The following ACP3 variants were observed in gnomAD, a reference collection of about 807,000 sequenced individuals.
ACP3 encodes the protein acid phosphatase 3, also known as prostatic acid phosphatase.
In ACP3, 38 loss-of-function variants were observed where a neutral mutation model predicts 45.6. That is an observed-to-expected ratio of 0.83 (90% CI 0.64 to 1.09). ACP3 has a LOEUF of 1.09. ACP3 is among the 50% of genes least tolerant of loss of function. The probability of loss-of-function intolerance (pLI) is 0.00; values close to 1 mark genes in which losing one functional copy is unlikely to be tolerated. For synonymous variants in ACP3, 162 were observed against 164.7 expected, an observed-to-expected ratio of 0.98 and a Z score of 0.13; for missense variants, 466 against 463.2, an observed-to-expected ratio of 1.01 and a Z score of -0.05.
intron 6 of ACP3, 131 bp downstream of exon 6, chr3:132,342,775 C>T (rs1576419205): frequency 8.1e-6 from 4 of 496,856 alleles, no homozygotes; most frequent in Non-Finnish European, 1.4e-5. Flanking sequence ...GACATTGAAA[C>T]GTAATTCACA....
chr3:132,348,754 G>T (rs1937649524), intron 7 of ACP3, among the ~76,000 whole-genome samples: 1 of 152,058 alleles, frequency 6.6e-6, no homozygotes, highest in Admixed American at 6.6e-5. Context: ...CATCCTCAAG[G>T]AATTTCCAGT....
intron 9 of ACP3, among the ~76,000 whole-genome samples, chr3:132,354,132 C>G (rs2107816408): frequency 6.6e-6 from 1 of 152,254 alleles, no homozygotes; most frequent in South Asian, 2.1e-4. Flanking sequence ...TAATAACAAG[C>G]CCGGCACAAG....
intron 6 of ACP3, among the ~76,000 whole-genome samples, chr3:132,344,277 C>CA (rs56793876): frequency 0.15 from 14,634 of 99,244 alleles, 1,419 homozygotes; most frequent in East Asian, 0.55. Context: ...GATTCTGTCT[C>CA]AAAAAAAAAA....
At chr3:132,343,995 G>A (rs1937579533) in intron 6 of ACP3, among the ~76,000 whole-genome samples, 1 of 152,050 alleles carries the variant, frequency 6.6e-6, no homozygotes, top group Non-Finnish European at 1.5e-5. Context: ...AATTAGCCAC[G>A]TGTGGCCAGG....
chr3:132,320,887 G>A (rs984620553), intron 1 of ACP3, among the ~76,000 whole-genome samples: 3 of 152,100 alleles, frequency 2.0e-5, no homozygotes, highest in East Asian at 3.9e-4. Context: ...TTGACCTCAG[G>A]TGATCCACCA....
intron 4 of ACP3, among the ~76,000 whole-genome samples, chr3:132,336,062 C>G (rs1428258479): frequency 1.3e-5 from 2 of 152,122 alleles, no homozygotes; most frequent in African/African-American, 4.8e-5. Flanking sequence ...AGATCGAGAC[C>G]ATCCTGGCTA....
intron 10 of ACP3, among the ~76,000 whole-genome samples, chr3:132,367,043 C>A (rs1034691009): frequency 6.6e-6 from 1 of 152,156 alleles, no homozygotes; most frequent in Non-Finnish European, 1.5e-5. Context: ...AGAGATGGTA[C>A]AAACTGGTAT....
rs556589892 is a variant in ACP3 at position 132,368,041 on chromosome 3, G to T, written c.*219G>T. The T allele has an allele frequency of 3.8e-3, 1,783 of 471,774 alleles. 8 individuals carry two copies. Among genetic ancestry groups the T allele is most frequent in the Non-Finnish European group, 5.4e-3 (1,412 of 260,270 alleles). The allele number at this position is 471,774 out of a possible 1,614,324, so 29.2% of individuals were successfully genotyped here. A position where few individuals can be genotyped will look rare whatever the true frequency, so the allele number is the denominator to read the frequency against. ...TTCTCATAATGGAGTGGTAGTGCAG[G>T]CTGCTTGTTCAGCTAGAAAGAGGCT... On this transcript the variant is annotated 3_prime_UTR_variant, in exon 11 of 11. Transcript: ENST00000351273.
At chr3:132,344,900 A>ATTTTTCTTCC (rs1937591692) in intron 6 of ACP3, 27 bp from the exon 7 acceptor site, 1 of 1,610,582 alleles carries the variant, frequency 6.2e-7, no homozygotes, top group South Asian at 1.1e-5. Flanking sequence ...ATACACATAC[A>ATTTTTCTTCC]TTTTTCTTCC....
rs1205388831 is a variant in ACP3 at position 132,352,857 on chromosome 3, A to C, written c.968+34A>C. On this transcript the variant is annotated intron_variant, in intron 9 of 9. Transcript: ENST00000336375. Reference sequence around the variant, plus strand: ...CTAAGTGCTTTTCAAAATCAGTATCACTGGACCTTGGGTTTCATTATTATT... The same window carrying C: ...CTAAGTGCTTTTCAAAATCAGTATCCCTGGACCTTGGGTTTCATTATTATT... 6.3e-6 allele frequency: 9 copies of C among 1,431,642 alleles called. No individual in the cohort carries two copies. In the East Asian group the frequency reaches 2.0e-4, roughly 33 times the overall value. 88.7% of individuals were successfully genotyped at this position (1,431,642 alleles called of 1,614,324 possible).
At chr3:132,345,718 T>G (rs1343139964) in intron 7 of ACP3, among the ~76,000 whole-genome samples, 2 of 152,162 alleles carry the variant, frequency 1.3e-5, no homozygotes, top group Admixed American at 1.3e-4. Context: ...AACTGGCTCT[T>G]CGTAGCACAG....
At chr3:132,340,993 A>C (rs1937547408) in intron 5 of ACP3, among the ~76,000 whole-genome samples, 1 of 152,206 alleles carries the variant, frequency 6.6e-6, no homozygotes. Flanking sequence ...AAATCTTCCT[A>C]AGAATATGGT....
At position 132,345,076 on chromosome 3, in the gene ACP3, G is replaced by T. The variant is rs1361058158; in HGVS notation, c.781+17G>T. 1.9e-6 allele frequency: 3 copies of T among 1,606,846 alleles called. No individual in the cohort carries two copies. The highest frequency in any genetic ancestry group is 3.4e-5 in the Admixed American group (2 of 59,678). On this transcript the variant is annotated intron_variant, in intron 7 of 9. Coordinates refer to ENST00000336375, the MANE Select transcript of ACP3 (RefSeq NM_001099.5). Reference sequence around the variant, plus strand: ...TCCAAGGGGGTAAGTATTAAAAAATGAGAGGAGCATATTGGATTTGTGGTT... The same window carrying T: ...TCCAAGGGGGTAAGTATTAAAAAATTAGAGGAGCATATTGGATTTGTGGTT...
intron 10 of ACP3, among the ~76,000 whole-genome samples, chr3:132,365,623 CAG>C (rs1194289540): frequency 6.6e-6 from 1 of 152,134 alleles, no homozygotes; most frequent in East Asian, 1.9e-4. Context: ...GCATTCATTG[CAG>C]ACTTTGTTTT....
At chr3:132,330,213 C>T (rs900276149) in intron 2 of ACP3, among the ~76,000 whole-genome samples, 12 of 152,136 alleles carry the variant, frequency 7.9e-5, no homozygotes, top group African/African-American at 2.9e-4. Context: ...AGCCACCACA[C>T]CCAGCCTTGT....
intron 4 of ACP3, among the ~76,000 whole-genome samples, chr3:132,335,437 G>A (rs1168781518): frequency 1.3e-5 from 2 of 151,610 alleles, no homozygotes; most frequent in African/African-American, 4.9e-5. Context: ...TGAACAGGAA[G>A]CAACTTTTAA....
Position 132,337,504 on chromosome 3 carries a change from A to G in ACP3, c.505A>G (p.Ser169Gly), listed in dbSNP as rs1937511250. 6 of 1,611,624 alleles carry G rather than the reference A, an allele frequency of 3.7e-6. No homozygotes were observed. Among genetic ancestry groups the G allele is most frequent in the Non-Finnish European group, 5.1e-6 (6 of 1,178,052 alleles). The change falls in exon 5 of 10, where the codon AGT (serine) becomes GGT (glycine). Residue 169 changes from serine (S) to glycine (G), a missense_variant. Coordinates refer to ENST00000336375, the MANE Select transcript of ACP3 (RefSeq NM_001099.5). ...CTGCCCTCGTTTTCAAGAACTTGAGAGTGAGACTTTGAAATCAGAGGAATT... is the reference window on the plus strand; with the variant it reads ...CTGCCCTCGTTTTCAAGAACTTGAGGGTGAGACTTTGAAATCAGAGGAATT... Reference protein sequence around the residue: ...RNCPRFQELESETLKSEEFQK... With the variant: ...RNCPRFQELEGETLKSEEFQK...
downstream of ACP3, among the ~76,000 whole-genome samples, chr3:132,360,686 C>T (rs1229048927): frequency 6.6e-6 from 1 of 152,182 alleles, no homozygotes; most frequent in East Asian, 1.9e-4. Flanking sequence ...TGCTCTCCCA[C>T]CCCCATCTCA....
intron 9 of ACP3, among the ~76,000 whole-genome samples, chr3:132,353,531 A>T (rs571333058): frequency 1.3e-5 from 2 of 152,358 alleles, no homozygotes; most frequent in Non-Finnish European, 2.9e-5. Flanking sequence ...TATTTGGAAC[A>T]AGTCACCAGA....
Sources: allele counts gnomAD v4.1 joint callset (sites outside exome capture counted in the v4.1 genomes callset), GRCh38; gene constraint gnomAD v4.1.1; transcripts MANE v1.5; gene names NCBI Gene and HGNC (gene_info 2026-07-23, HGNC 2026-07-21).